Variants in PRMT7 observed in about 807,000 individuals in gnomAD.
The protein encoded by PRMT7 is protein arginine methyltransferase 7.
PRMT7 carries 75 observed loss-of-function variants against 85.4 expected under a neutral mutation model. The observed-to-expected ratio is 0.88, with a 90% CI of 0.73 to 1.06. The LOEUF (loss-of-function observed/expected upper bound fraction) is 1.06, where lower values mean the gene tolerates loss of function less well. PRMT7 is among the 50% of genes least tolerant of loss of function. The pLI is 0.00. For missense variants in PRMT7, 868 were observed against 915.2 expected (o/e 0.95, Z 0.67); for synonymous variants, 397 against 359.5 (o/e 1.10, Z -1.18).
Position 68,329,161 on chromosome 16 carries a change from G to A in PRMT7, c.378G>A (p.Val126=). The change falls in exon 6 of 19, where the codon GTG becomes GTA. Residue 126 remains valine (V), a synonymous_variant. Coordinates refer to ENST00000441236, the MANE Select transcript of PRMT7 (RefSeq NM_019023.5). The part of the protein sequence containing the change: ...IKVINKHSTE[V]TVGPEGDMPC... ...TTATCAACAAGCATTCCACCGAGGT[G>A]ACTGTAGGTCCAGGTGAGATTTACA... 6.3e-7 allele frequency: 1 copy of A among 1,596,370 alleles called. No homozygotes were observed. Among genetic ancestry groups the A allele is most frequent in the Non-Finnish European group, 8.6e-7 (1 of 1,164,036 alleles).
At position 68,321,490 on chromosome 16, in the gene PRMT7, G is replaced by T. The variant is rs778389412; in HGVS notation, c.132+28G>T. 9.4e-5 allele frequency: 149 copies of T among 1,582,368 alleles called. 2 individuals carry two copies. In the South Asian group the frequency reaches 1.6e-3, roughly 17 times the overall value. ...AAGTGTAAAAGGAAACTATTATCTTGATGTGGGGTGTTTTGAAGTCTTGGA... is the reference window on the plus strand; with the variant it reads ...AAGTGTAAAAGGAAACTATTATCTTTATGTGGGGTGTTTTGAAGTCTTGGA... On this transcript the variant is annotated intron_variant, in intron 4 of 18. Coordinates refer to ENST00000441236, the MANE Select transcript of PRMT7 (RefSeq NM_019023.5).
chr16:68,353,717 T>C, intron 16 of PRMT7, 151 bp downstream of exon 16: 1 of 653,032 alleles, frequency 1.5e-6, no homozygotes, highest in South Asian at 2.6e-5. Flanking sequence ...GAGCATTGCT[T>C]GGTACCAGCC....
intron 14 of PRMT7, chr16:68,351,809 GC>G (rs2087412092): frequency 6.5e-6 from 1 of 155,038 alleles, no homozygotes; most frequent in African/African-American, 2.4e-5. Flanking sequence ...ACGGAGACAA[GC>G]CCCGGTAAGT....
intron 12 of PRMT7, 56 bp downstream of exon 12, chr16:68,347,350 G>T: frequency 6.8e-7 from 1 of 1,470,472 alleles, no homozygotes. Flanking sequence ...TTAGAGCATT[G>T]CGTGGTCCGG....
intron 2 of PRMT7, chr16:68,315,365 G>A (rs2044585223): frequency 6.5e-6 from 1 of 153,636 alleles, no homozygotes; most frequent in African/African-American, 2.4e-5. Flanking sequence ...CATGTGTTGT[G>A]TGATTTGCTG....
chr16:68,313,935 T>G (rs910876528), intron 2 of PRMT7, among the ~76,000 whole-genome samples: 4 of 152,104 alleles, frequency 2.6e-5, no homozygotes, highest in Non-Finnish European at 5.9e-5. Flanking sequence ...AGCAGGGAGA[T>G]CCCATCTCTT....
intron 9 of PRMT7, among the ~76,000 whole-genome samples, chr16:68,343,070 TG>T (rs2085777312): frequency 1.3e-5 from 2 of 151,996 alleles, no homozygotes; most frequent in South Asian, 4.2e-4. Flanking sequence ...TAGCCGGGCA[TG>T]GTGGCAGGCG....
In PRMT7 at chr16:68,344,135, T is replaced by A. The variant is rs79091145; in HGVS notation, c.928-1540T>A. On this transcript the variant is annotated intron_variant, in intron 9 of 18. Coordinates refer to ENST00000441236, the MANE Select transcript of PRMT7 (RefSeq NM_019023.5). Reference sequence around the variant, plus strand: ...GGCACTTGCCACTATGCATGGCTAATCTTGTGTTTTTTGTAGAAATGGGTG... The same window carrying A: ...GGCACTTGCCACTATGCATGGCTAAACTTGTGTTTTTTGTAGAAATGGGTG... 3.8e-3 allele frequency among the ~76,000 whole-genome samples: 577 copies of A among 152,290 alleles called. 3 individuals are homozygous for A. The highest frequency in any genetic ancestry group is 6.8e-3 in the Middle Eastern group (2 of 294).
intron 5 of PRMT7, among the ~76,000 whole-genome samples, chr16:68,326,731 C>T (rs1302631668): frequency 6.6e-6 from 1 of 152,208 alleles, no homozygotes; most frequent in Middle Eastern, 3.2e-3. Flanking sequence ...GCTGCACCCT[C>T]ACCTGATTTC....
At position 68,346,408 on chromosome 16, in the gene PRMT7, G is replaced by A. The variant is rs866615626; in HGVS notation, c.1191+128G>A. ...CCTCTTGTCTATGAGTGGCTTCAGC[G>A]AGCGCCTCCTGGGTGGGCACTGGAG... On this transcript the variant is annotated intron_variant, in intron 11 of 18. Transcript: ENST00000441236. 141 of 1,351,324 alleles carry A rather than the reference G, an allele frequency of 1.0e-4. 1 individual carries two copies. The South Asian group carries it at 1.1e-3, about 11-fold the overall frequency. 83.7% of individuals were successfully genotyped at this position (1,351,324 alleles called of 1,614,324 possible).
At chr16:68,334,450 T>A (rs1281108370) in intron 6 of PRMT7, among the ~76,000 whole-genome samples, 3 of 152,172 alleles carry the variant, frequency 2.0e-5, no homozygotes, top group Non-Finnish European at 4.4e-5. Context: ...CCCTGGACCT[T>A]AGTGACATCT....
chr16:68,352,090 G>A, intron 14 of PRMT7, 158 bp from the exon 15 acceptor site: 1 of 704,642 alleles, frequency 1.4e-6, no homozygotes, highest in Non-Finnish European at 2.3e-6. Context: ...ACTGATGAGG[G>A]AGGGAGGGAA....
At chr16:68,330,754 C>T (rs1231942276) in intron 6 of PRMT7, among the ~76,000 whole-genome samples, 1 of 152,040 alleles carries the variant, frequency 6.6e-6, no homozygotes. Context: ...ACCACCATGC[C>T]TGGCTAATTT....
chr16:68,316,815 G>A (rs1488654037), intron 3 of PRMT7: 2 of 152,220 alleles, frequency 1.3e-5, no homozygotes, highest in East Asian at 3.9e-4. Context: ...AGTGCATTCA[G>A]TGTGCCAGCA....
intron 9 of PRMT7, among the ~76,000 whole-genome samples, chr16:68,344,442 T>G (rs1022419193): frequency 6.6e-6 from 1 of 152,244 alleles, no homozygotes; most frequent in Admixed American, 6.5e-5. Flanking sequence ...GGTGCTCATC[T>G]CTGTTCCGGG....
chr16:68,339,449 T>A lies in PRMT7; in HGVS notation c.632T>A (p.Val211Asp). ...VQTSLGEQVI[V>D]PPVDVESCPG... ...ACCAGCCTCGGAGAGCAGGTCATCG[T>A]CCCTCCCGTTGACGTGGAGAGCTGC... is the stretch of plus-strand genomic sequence containing the variant. Residue 211 changes from valine (V) to aspartate (D), a missense_variant, in exon 8 of 19, where the codon GTC becomes GAC. Coordinates refer to ENST00000441236, the MANE Select transcript of PRMT7 (RefSeq NM_019023.5). 1 of 1,614,160 alleles carries A rather than the reference T, an allele frequency of 6.2e-7. No individual in the cohort carries two copies. Among genetic ancestry groups the A allele is most frequent in the Non-Finnish European group, 8.5e-7 (1 of 1,180,026 alleles).
At chr16:68,331,189 G>A (rs2083840099) in intron 6 of PRMT7, among the ~76,000 whole-genome samples, 1 of 152,008 alleles carries the variant, frequency 6.6e-6, no homozygotes, top group African/African-American at 2.4e-5. Flanking sequence ...CAAGGAAGTG[G>A]AATCAAAGAA....
At chr16:68,347,531 G>T in intron 12 of PRMT7, 100 bp from the exon 13 acceptor site, 1 of 1,329,330 alleles carries the variant, frequency 7.5e-7, no homozygotes, top group South Asian at 1.2e-5. Context: ...GGTTGTTCAG[G>T]TGTGTCCTCT....
Position 68,347,285 on chromosome 16 carries a change from G to C in PRMT7, c.1266G>C (p.Gly422=). The part of the protein sequence containing the change: ...SLLSVLAHHL[G]VEQVFTVESS... ...TCTCCGTGCTGGCCCATCACCTGGG[G>C]GTGGAGCAGGTACTGACATGCACCC... The change falls in exon 12 of 19, where the codon GGG becomes GGC. Residue 422 remains glycine (G), a synonymous_variant. Transcript: ENST00000441236. 1 of 1,545,746 alleles carries C rather than the reference G, an allele frequency of 6.5e-7. No individual in the cohort carries two copies. The highest frequency in any genetic ancestry group is 8.8e-7 in the Non-Finnish European group (1 of 1,142,436).
Sources: allele counts gnomAD v4.1 joint callset (sites outside exome capture counted in the v4.1 genomes callset), GRCh38; gene constraint gnomAD v4.1.1; transcripts MANE v1.5; gene names NCBI Gene and HGNC (gene_info 2026-07-23, HGNC 2026-07-21).